WASF1: variants seen among roughly 807,000 people sequenced by gnomAD.
WASF1 encodes WASP family member 1.
Under a neutral mutation model 50.5 loss-of-function variants are expected in WASF1, and 7 were observed. That is an observed-to-expected ratio of 0.14 (90% confidence interval 0.08 to 0.26). The LOEUF (loss-of-function observed/expected upper bound fraction) is 0.26. Ranked by LOEUF, WASF1 falls within the 10% of genes least tolerant of loss-of-function variation. The pLI is 1.00. For missense variants in WASF1, 470 were observed against 694.7 expected, an observed-to-expected ratio of 0.68 and a Z score of 3.64; for synonymous variants, 205 against 244.0, an observed-to-expected ratio of 0.84 and a Z score of 1.49.
At chr6:110,160,384 T>C (rs1776214765) in intron 3 of WASF1, among the ~76,000 whole-genome samples, 1 of 151,764 alleles carries the variant, frequency 6.6e-6, no homozygotes, top group Non-Finnish European at 1.5e-5. Flanking sequence ...AGATACAGAA[T>C]AAGAAAGGTT....
chr6:110,104,015 A>G (rs1167452102), intron 8 of WASF1, among the ~76,000 whole-genome samples: 4 of 152,128 alleles, frequency 2.6e-5, no homozygotes, highest in Admixed American at 6.6e-5. Flanking sequence ...ATGACTTCTA[A>G]AAGTCTTGCA....
At chr6:110,101,538 A>G (rs775698206) in intron 10 of WASF1, 50 bp downstream of exon 10, 170 of 1,529,520 alleles carry the variant, frequency 1.1e-4, no homozygotes, top group Non-Finnish European at 1.4e-4. Flanking sequence ...ATATTTAGAA[A>G]GTTTCCAATG....
intron 3 of WASF1, among the ~76,000 whole-genome samples, chr6:110,133,643 T>C (rs1454127524): frequency 2.0e-5 from 3 of 152,196 alleles, no homozygotes; most frequent in Non-Finnish European, 4.4e-5. Flanking sequence ...TTAGTGATGG[T>C]GACCATTTTC....
chr6:110,165,642 T>C (rs1378703373), intron 2 of WASF1, among the ~76,000 whole-genome samples: 4 of 151,790 alleles, frequency 2.6e-5, no homozygotes, highest in African/African-American at 9.7e-5. Flanking sequence ...TTTAAACCAA[T>C]ACTTTTTCTT....
chr6:110,174,138 A>G (rs1175219596), intron 2 of WASF1, among the ~76,000 whole-genome samples: 2 of 152,000 alleles, frequency 1.3e-5, no homozygotes, highest in African/African-American at 4.8e-5. Context: ...TCCCTCTTAC[A>G]CTAAGCTTTA....
At chr6:110,132,760 C>T (rs972419176) in intron 3 of WASF1, among the ~76,000 whole-genome samples, 2 of 151,916 alleles carry the variant, frequency 1.3e-5, no homozygotes, top group African/African-American at 2.4e-5. Flanking sequence ...TAGCTTAGCT[C>T]CCACTTATGA....
At chr6:110,134,099 T>C (rs1774829650) in intron 3 of WASF1, among the ~76,000 whole-genome samples, 1 of 152,112 alleles carries the variant, frequency 6.6e-6, no homozygotes, top group African/African-American at 2.4e-5. Flanking sequence ...GTATTTTTAG[T>C]AGAGATGGGG....
chr6:110,171,666 C>A (rs1776720774), intron 2 of WASF1, among the ~76,000 whole-genome samples: 1 of 151,942 alleles, frequency 6.6e-6, no homozygotes. Context: ...GCAACAAAAG[C>A]CAAAATAAGA....
At chr6:110,157,605 G>A (rs1365051870) in intron 3 of WASF1, among the ~76,000 whole-genome samples, 1 of 25,234 alleles carries the variant, frequency 4.0e-5, no homozygotes, top group Admixed American at 5.3e-4. Context: ...GAATAGGAGC[G>A]GTGAGAGAGG....
At chr6:110,164,793 ACCAGTATGTCCT>A (rs1316027521) in intron 2 of WASF1, among the ~76,000 whole-genome samples, 61 of 151,576 alleles carry the variant, frequency 4.0e-4, no homozygotes, top group Non-Finnish European at 1.8e-4. Context: ...CTTGGAACCA[ACCAGTATGTCCT>A]CGAGTAGGTA....
At chr6:110,161,100 C>T (rs1252587825) in intron 2 of WASF1, among the ~76,000 whole-genome samples, 1 of 151,396 alleles carries the variant, frequency 6.6e-6, no homozygotes, top group African/African-American at 2.4e-5. Flanking sequence ...TCACAAAGTC[C>T]TTTCAAGATG....
At chr6:110,143,946 A>T (rs1439731210) in intron 3 of WASF1, among the ~76,000 whole-genome samples, 1 of 152,238 alleles carries the variant, frequency 6.6e-6, no homozygotes, top group Non-Finnish European at 1.5e-5. Flanking sequence ...TCTTTATAGC[A>T]GCATGATTTA....
Position 110,152,140 on chromosome 6 carries a change from G to T in WASF1, c.-29+8495C>A, listed in dbSNP as rs574814853. Among the ~76,000 whole-genome samples the T allele has an allele frequency of 6.6e-5, 10 of 152,132 alleles. No homozygotes were observed. The South Asian group carries it at 2.1e-3, about 32-fold the overall frequency. On this transcript the variant is annotated intron_variant, in intron 3 of 10. Coordinates refer to ENST00000392589, the MANE Select transcript of WASF1 (RefSeq NM_003931.3). ...GACCTTAAAATTGGGAGATTATATG[G>T]GTGGGCTTAACCTAATCACATGAGC...
Position 110,103,431 on chromosome 6 carries a change from T to G in WASF1, c.840A>C (p.Pro280=), listed in dbSNP as rs1583918151. ...CTCCTGCTCCATGCATTGGTGGAGGTGGAGGTGGTTCATGTGGTCTGACTA... is the reference window on the plus strand; with the variant it reads ...CTCCTGCTCCATGCATTGGTGGAGGGGGAGGTGGTTCATGTGGTCTGACTA... ...RVLVRPHEPP[P]PPPMHGAGDA... Residue 280 remains proline, a synonymous_variant, in exon 9 of 11, where the codon CCA becomes CCC. Transcript: ENST00000392589. 2 of 1,613,860 alleles carry G rather than the reference T, an allele frequency of 1.2e-6. No homozygotes were observed. The highest frequency in any genetic ancestry group is 1.7e-6 in the Non-Finnish European group (2 of 1,179,902).
intron 3 of WASF1, among the ~76,000 whole-genome samples, chr6:110,143,244 A>T (rs967951026): frequency 2.0e-5 from 3 of 152,040 alleles, no homozygotes; most frequent in Non-Finnish European, 4.4e-5. Flanking sequence ...TACTGTTTAT[A>T]AGATCTCACA....
At position 110,145,745 on chromosome 6, in the gene WASF1, T is replaced by C. The variant is rs528848395; in HGVS notation, c.-29+14890A>G. ...TGTGGTTTTTGTCTTTGGTTCTGTT[T>C]ATATGCTGGATTAAGAAAATGTGGC... On this transcript the variant is annotated intron_variant, in intron 3 of 10. Coordinates refer to ENST00000392589, the MANE Select transcript of WASF1 (RefSeq NM_003931.3). Among the ~76,000 whole-genome samples the C allele has an allele frequency of 1.9e-4, 29 of 152,262 alleles. No homozygotes were observed. The East Asian group carries it at 2.7e-3, about 14-fold the overall frequency.
chr6:110,122,159 A>G (rs967850679), intron 4 of WASF1, among the ~76,000 whole-genome samples: 5 of 151,944 alleles, frequency 3.3e-5, no homozygotes, highest in African/African-American at 1.2e-4. Flanking sequence ...CACTATGCAC[A>G]TGTACCATAG....
chr6:110,102,248 TAAAAG>T, intron 9 of WASF1, 32 bp from the exon 10 acceptor site: 3 of 1,359,978 alleles, frequency 2.2e-6, no homozygotes, highest in Non-Finnish European at 2.9e-6. Context: ...AGCAAGTTAT[TAAAAG>T]AGAAAAGCCT....
intron 3 of WASF1, among the ~76,000 whole-genome samples, chr6:110,131,149 A>G (rs2114524885): frequency 6.6e-6 from 1 of 152,314 alleles, no homozygotes; most frequent in African/African-American, 2.4e-5. Flanking sequence ...TTTAATGAAC[A>G]GAAGTTTTTA....
Sources: gnomAD v4.1 joint callset for allele counts (sites outside exome capture counted in the v4.1 genomes callset) on GRCh38, gnomAD v4.1.1 for gene constraint, MANE v1.5 for transcripts, NCBI Gene and HGNC (gene_info 2026-07-23, HGNC 2026-07-21) for gene names.